Variants in DCDC1 observed in about 807,000 individuals in gnomAD.
DCDC1 encodes the protein doublecortin domain-containing protein 1.
Under a neutral mutation model 178.3 loss-of-function variants are expected in DCDC1, and 200 were observed. That is an observed-to-expected ratio of 1.12 (90% confidence interval 1.00 to 1.26). The LOEUF (loss-of-function observed/expected upper bound fraction) is 1.26. Among genes scored for constraint, DCDC1 ranks in the 50% most tolerant of loss-of-function variants. DCDC1 has a pLI of 0.00. For synonymous variants in DCDC1, 690 were observed against 604.8 expected (o/e 1.14, Z -2.07); for missense variants, 1,983 against 1,749.2 (o/e 1.13, Z -2.38).
At chr11:31,091,894 C>G (rs1244614883) in intron 16 of DCDC1, among the ~76,000 whole-genome samples, 1 of 152,104 alleles carries the variant, frequency 6.6e-6, no homozygotes, top group Non-Finnish European at 1.5e-5. Context: ...ACTGAAAAGA[C>G]TGAAACAAAT....
intron 18 of DCDC1, among the ~76,000 whole-genome samples, chr11:31,075,066 G>C (rs1956786171): frequency 6.6e-6 from 1 of 152,012 alleles, no homozygotes. Context: ...ACCCTTCTGA[G>C]TCTCCAATAT....
intron 20 of DCDC1, among the ~76,000 whole-genome samples, chr11:31,035,319 A>C (rs1953947572): frequency 6.6e-6 from 1 of 152,168 alleles, no homozygotes; most frequent in Non-Finnish European, 1.5e-5. Context: ...AGGTTTTTCC[A>C]CTAATGTCCT....
chr11:31,255,469 TTC>T (rs1411000745), intron 8 of DCDC1, among the ~76,000 whole-genome samples: 3 of 152,114 alleles, frequency 2.0e-5, no homozygotes, highest in Middle Eastern at 3.4e-3. Flanking sequence ...ACACTTGTTA[TTC>T]TCTGTGTGTG....
intron 1 of DCDC1, among the ~76,000 whole-genome samples, chr11:31,337,386 T>A (rs1456459054): frequency 6.6e-6 from 1 of 152,236 alleles, no homozygotes; most frequent in African/African-American, 2.4e-5. Flanking sequence ...AATTCTTCCC[T>A]GGTTGGGTGT....
rs182914725 is a variant in DCDC1 at position 31,106,444 on chromosome 11, G to C, written c.1751+353C>G. Among the ~76,000 whole-genome samples the C allele has an allele frequency of 2.0e-3, 302 of 152,302 alleles. 4 individuals carry two copies. Among genetic ancestry groups the C allele is most frequent in the East Asian group, 1.9e-3 (10 of 5,174 alleles). On this transcript the variant is annotated intron_variant, in intron 13 of 38. Coordinates refer to ENST00000684477, the MANE Select transcript of DCDC1 (RefSeq NM_001387274.1). Reference sequence around the variant, plus strand: ...AAAATAGAGGAGTGGAAGCAGGTCAGGGCAGTGTGCGACAATGACAGTGTG... The same window carrying C: ...AAAATAGAGGAGTGGAAGCAGGTCACGGCAGTGTGCGACAATGACAGTGTG...
At chr11:30,914,632 CAAAAA>C (rs11355322) in intron 27 of DCDC1, among the ~76,000 whole-genome samples, 17 of 100,842 alleles carry the variant, frequency 1.7e-4, no homozygotes, top group African/African-American at 5.4e-4. Flanking sequence ...CATATGCACC[CAAAAA>C]AAAAAAAAAA....
intron 7 of DCDC1, among the ~76,000 whole-genome samples, chr11:31,288,408 G>C (rs1349758932): frequency 6.6e-6 from 1 of 151,848 alleles, no homozygotes; most frequent in Non-Finnish European, 1.5e-5. Context: ...GTTTAGTAAA[G>C]GAATATATCA....
At chr11:30,949,324 A>G (rs1362173596) in intron 21 of DCDC1, among the ~76,000 whole-genome samples, 1 of 152,228 alleles carries the variant, frequency 6.6e-6, no homozygotes, top group Non-Finnish European at 1.5e-5. Context: ...CACGCCAGTT[A>G]GAATAGCGAT....
At chr11:30,935,647 A>G (rs1470381542) in intron 21 of DCDC1, among the ~76,000 whole-genome samples, 1 of 151,874 alleles carries the variant, frequency 6.6e-6, no homozygotes, top group African/African-American at 2.4e-5. Flanking sequence ...TTTGCCTCCC[A>G]GGTTCAAGCG....
At chr11:30,992,440 G>T (rs1006844012) in intron 20 of DCDC1, 1 of 152,194 alleles carries the variant, frequency 6.6e-6, no homozygotes, top group African/African-American at 2.4e-5. Flanking sequence ...AGGCAGTCCT[G>T]CCAAAGATAG....
intron 20 of DCDC1, among the ~76,000 whole-genome samples, chr11:31,034,160 A>AG (rs1953864731): frequency 6.6e-6 from 1 of 150,940 alleles, no homozygotes. Context: ...AAAAAAAAAA[A>AG]CCTTTAAAAA....
chr11:31,292,880 AT>A (rs1466802638), intron 6 of DCDC1, among the ~76,000 whole-genome samples: 2 of 152,082 alleles, frequency 1.3e-5, no homozygotes, highest in Non-Finnish European at 2.9e-5. Context: ...GGAAAAAAAA[AT>A]ATGAATGAAT....
chr11:30,968,711 T>TTATATATATA (rs71451193), intron 20 of DCDC1, among the ~76,000 whole-genome samples: 1,042 of 60,984 alleles, frequency 0.017, 104 homozygotes, highest in African/African-American at 0.049. Flanking sequence ...ATATATCAAA[T>TTATATATATA]TATATATATA....
chr11:30,964,556 G>A (rs1949312580), intron 20 of DCDC1, among the ~76,000 whole-genome samples: 1 of 152,110 alleles, frequency 6.6e-6, no homozygotes, highest in Admixed American at 6.6e-5. Flanking sequence ...TCCCTCAGAG[G>A]TCATTGCTGG....
chr11:30,967,224 C>T (rs1243292735), intron 20 of DCDC1, among the ~76,000 whole-genome samples: 1 of 134,320 alleles, frequency 7.4e-6, no homozygotes, highest in East Asian at 2.2e-4. Context: ...ATTGATTCTT[C>T]CTACCCATGA....
intron 20 of DCDC1, among the ~76,000 whole-genome samples, chr11:30,954,888 A>G (rs1565120047): frequency 6.6e-6 from 1 of 152,200 alleles, no homozygotes; most frequent in Non-Finnish European, 1.5e-5. Flanking sequence ...TGCTTTTTAT[A>G]TGTCTTGTTT....
chr11:30,991,397 A>G (rs1950971948), intron 20 of DCDC1, among the ~76,000 whole-genome samples: 1 of 152,236 alleles, frequency 6.6e-6, no homozygotes, highest in African/African-American at 2.4e-5. Flanking sequence ...GGTATTCCCA[A>G]TCAGCAAAAT....
At chr11:31,301,005 A>G (rs1453533289) in intron 6 of DCDC1, among the ~76,000 whole-genome samples, 5 of 152,176 alleles carry the variant, frequency 3.3e-5, no homozygotes. Flanking sequence ...TTTTTGGTCC[A>G]TCTCTTATAA....
chr11:31,055,509 C>G (rs1955527129), intron 20 of DCDC1, among the ~76,000 whole-genome samples: 1 of 152,120 alleles, frequency 6.6e-6, no homozygotes, highest in African/African-American at 2.4e-5. Context: ...GGGTATCTAC[C>G]CAGAGGAAAA....
Sources: gnomAD v4.1 joint callset for allele counts (sites outside exome capture counted in the v4.1 genomes callset) on GRCh38, gnomAD v4.1.1 for gene constraint, MANE v1.5 for transcripts, NCBI Gene and HGNC (gene_info 2026-07-23, HGNC 2026-07-21) for gene names.